Variants in KDM4C observed in about 807,000 individuals in gnomAD.
KDM4C encodes lysine-specific demethylase 4C.
KDM4C carries 81 observed loss-of-function variants against 129.3 expected under a neutral mutation model. That is an observed-to-expected ratio of 0.63 (90% CI 0.52 to 0.75). KDM4C has a LOEUF of 0.75. Among genes scored for constraint, KDM4C ranks in the 30% least tolerant of loss-of-function variants. KDM4C has a pLI of 0.00. For synonymous variants in KDM4C, 573 were observed against 456.1 expected, an observed-to-expected ratio of 1.26 and a Z score of -3.26; for missense variants, 1,457 against 1,304.0, an observed-to-expected ratio of 1.12 and a Z score of -1.81.
chr9:6,842,308 A>G (rs1018003440), intron 4 of KDM4C, among the ~76,000 whole-genome samples: 1 of 117,124 alleles, frequency 8.5e-6, no homozygotes, highest in Non-Finnish European at 1.8e-5. Context: ...TTTTATCCAC[A>G]TTTCTTTTTT....
chr9:7,058,820 G>A (rs1831228870), intron 17 of KDM4C, among the ~76,000 whole-genome samples: 1 of 151,744 alleles, frequency 6.6e-6, no homozygotes, highest in Admixed American at 6.6e-5. Context: ...TTTAGTGATA[G>A]TTTGAGTTGC....
At chr9:6,759,905 C>T (rs1260910687) in intron 1 of KDM4C, among the ~76,000 whole-genome samples, 1 of 148,282 alleles carries the variant, frequency 6.7e-6, no homozygotes, top group Non-Finnish European at 1.5e-5. Flanking sequence ...GGCACCACTG[C>T]ACTCCAGCGT....
chr9:7,091,123 G>C (rs909923152), intron 17 of KDM4C, among the ~76,000 whole-genome samples: 3 of 152,090 alleles, frequency 2.0e-5, no homozygotes, highest in Non-Finnish European at 4.4e-5. Flanking sequence ...TTGAGTTCAT[G>C]AATATTTCAA....
intron 4 of KDM4C, among the ~76,000 whole-genome samples, chr9:6,829,426 C>G (rs1163253214): frequency 6.6e-6 from 1 of 152,160 alleles, no homozygotes; most frequent in Non-Finnish European, 1.5e-5. Flanking sequence ...GGAGAAAGAA[C>G]ATGAAACTCA....
At chr9:7,087,692 A>T (rs1935520183) in intron 17 of KDM4C, among the ~76,000 whole-genome samples, 1 of 152,204 alleles carries the variant, frequency 6.6e-6, no homozygotes, top group African/African-American at 2.4e-5. Flanking sequence ...TAAAGGGAAT[A>T]AGGAATGCTA....
At chr9:7,167,305 A>G (rs555223865) in intron 20 of KDM4C, among the ~76,000 whole-genome samples, 16 of 152,176 alleles carry the variant, frequency 1.1e-4, no homozygotes, top group Non-Finnish European at 2.4e-4. Flanking sequence ...GAAAATAACT[A>G]CATCCCAAGG....
At chr9:7,015,785 T>C (rs2132187253) in intron 14 of KDM4C, 68 bp from the exon 15 acceptor site, 1 of 1,033,866 alleles carries the variant, frequency 9.7e-7, no homozygotes, top group African/African-American at 1.6e-5. Flanking sequence ...TTTATTTCAG[T>C]ACTGAGATCT....
At chr9:6,998,907 C>G (rs1292815238) in intron 12 of KDM4C, among the ~76,000 whole-genome samples, 1 of 152,114 alleles carries the variant, frequency 6.6e-6, no homozygotes, top group African/African-American at 2.4e-5. Context: ...CTAGAGCTGC[C>G]CACTGATTGC....
At chr9:6,979,599 G>T (rs142611285) in intron 8 of KDM4C, among the ~76,000 whole-genome samples, 1 of 152,162 alleles carries the variant, frequency 6.6e-6, no homozygotes, top group Admixed American at 6.5e-5. Context: ...GAAAAGCAGG[G>T]TGATTACACC....
chr9:6,865,184 A>AT (rs1272054122), intron 5 of KDM4C, among the ~76,000 whole-genome samples: 1 of 151,462 alleles, frequency 6.6e-6, no homozygotes, highest in African/African-American at 2.4e-5. Context: ...AATTTTTTGT[A>AT]TTTTTAGTAG....
chr9:6,751,817 G>T (rs942523516), intron 1 of KDM4C, among the ~76,000 whole-genome samples: 2 of 152,142 alleles, frequency 1.3e-5, no homozygotes, highest in Admixed American at 6.6e-5. Context: ...CCTTCTGGAA[G>T]AATTTGAGTA....
chr9:7,166,073 G>A (rs1444837657), intron 20 of KDM4C, among the ~76,000 whole-genome samples: 1 of 152,134 alleles, frequency 6.6e-6, no homozygotes, highest in Admixed American at 6.5e-5. Flanking sequence ...GGTTTTAAAA[G>A]GGGACATTTA....
intron 13 of KDM4C, among the ~76,000 whole-genome samples, chr9:7,013,555 T>A (rs536540652): frequency 2.8e-3 from 424 of 152,348 alleles, no homozygotes; most frequent in Non-Finnish European, 4.4e-3. Flanking sequence ...CCAGTTGCTT[T>A]CTTATATGAA....
At chr9:6,766,982 C>A (rs1460692310) in intron 1 of KDM4C, among the ~76,000 whole-genome samples, 1 of 152,094 alleles carries the variant, frequency 6.6e-6, no homozygotes, top group Admixed American at 6.6e-5. Context: ...CAGGCTTTGT[C>A]TGATCATTAG....
upstream of KDM4C, among the ~76,000 whole-genome samples, chr9:6,754,410 A>T (rs1163651363): frequency 6.6e-6 from 1 of 151,426 alleles, no homozygotes; most frequent in East Asian, 1.9e-4. Flanking sequence ...ACAGGGTTTA[A>T]CCATGTTATC....
intron 1 of KDM4C, among the ~76,000 whole-genome samples, chr9:6,749,311 G>A (rs1239209107): frequency 6.6e-6 from 1 of 152,138 alleles, no homozygotes; most frequent in Non-Finnish European, 1.5e-5. Context: ...GAGCTACCAA[G>A]CCTGGCCAGG....
At chr9:6,776,487 C>T (rs909947046) in intron 1 of KDM4C, among the ~76,000 whole-genome samples, 5 of 151,906 alleles carry the variant, frequency 3.3e-5, no homozygotes, top group African/African-American at 9.7e-5. Context: ...TGGTCTTGAT[C>T]TCTTGACCTC....
intron 18 of KDM4C, among the ~76,000 whole-genome samples, chr9:7,112,661 A>T (rs1423330037): frequency 1.3e-5 from 2 of 152,166 alleles, no homozygotes. Context: ...CTGATACATC[A>T]TATGTAGCTA....
chr9:6,843,992 C>G (rs1400679120), intron 4 of KDM4C, among the ~76,000 whole-genome samples: 1 of 152,076 alleles, frequency 6.6e-6, no homozygotes, highest in Non-Finnish European at 1.5e-5. Flanking sequence ...TGTCACCATA[C>G]CCGGCTATTT....
Sources: allele counts gnomAD v4.1 joint callset (sites outside exome capture counted in the v4.1 genomes callset), GRCh38; gene constraint gnomAD v4.1.1; transcripts MANE v1.5; gene names NCBI Gene and HGNC (gene_info 2026-07-23, HGNC 2026-07-21).